The following VGLL4 variants were observed in gnomAD, a reference collection of about 807,000 sequenced individuals.
The protein encoded by VGLL4 is transcription cofactor vestigial-like protein 4.
A neutral mutation model predicts 21.0 loss-of-function variants in VGLL4; 7 were observed. The observed-to-expected ratio is 0.33, with a 90% CI of 0.19 to 0.63. The LOEUF (loss-of-function observed/expected upper bound fraction) is 0.63, where lower values mean the gene tolerates loss of function less well. Among genes scored for constraint, VGLL4 ranks in the 20% least tolerant of loss-of-function variants. VGLL4 has a pLI of 0.78. For missense variants in VGLL4, 394 were observed against 425.7 expected (o/e 0.93, Z 0.66); for synonymous variants, 222 against 173.2 (o/e 1.28, Z -2.21).
intron 2 of VGLL4, among the ~76,000 whole-genome samples, chr3:11,667,194 C>T (rs115640352): frequency 6.6e-6 from 1 of 152,220 alleles, no homozygotes; most frequent in African/African-American, 2.4e-5. Flanking sequence ...ACTCACAAAG[C>T]CCTACACTGA....
At position 11,719,037 on chromosome 3, in the gene VGLL4, T is replaced by C. The variant is rs993552467; in HGVS notation, c.-14+1357A>G. 6.6e-6 allele frequency among the ~76,000 whole-genome samples: 1 copy of C among 152,220 alleles called. No homozygotes were observed. The highest frequency in any genetic ancestry group is 2.4e-5 in the African/African-American group (1 of 41,462). On this transcript the variant is annotated intron_variant, in intron 1 of 5. Coordinates refer to the VGLL4 transcript ENST00000273038. This position sits in a 1 kb window ranked among gnomAD's most constrained non-coding sequence, Gnocchi z 4.0. ...AAGCAAAACAAAAAGCGAACAGCCC[T>C]GTGCTCTTCCGCGAGGCCTGCACTG...
At chr3:11,669,360 C>T (rs943886093) in intron 2 of VGLL4, among the ~76,000 whole-genome samples, 30 of 151,998 alleles carry the variant, frequency 2.0e-4, no homozygotes, top group Admixed American at 1.4e-3. Context: ...CCAGCCTGTG[C>T]GACAGAGTAA....
intron 3 of VGLL4, among the ~76,000 whole-genome samples, 187 bp from the exon 4 acceptor site, chr3:11,559,642 G>T (rs2125101334): frequency 6.6e-6 from 1 of 152,370 alleles, no homozygotes; most frequent in East Asian, 1.9e-4. Flanking sequence ...GCAGCTCCAA[G>T]GGTGTGTGTA....
intron 1 of VGLL4, among the ~76,000 whole-genome samples, chr3:11,603,410 T>G (rs997005459): frequency 1.3e-5 from 2 of 152,206 alleles, no homozygotes; most frequent in African/African-American, 4.8e-5. Context: ...TTCAGTATGA[T>G]CTTGGTTGGC....
Position 11,643,709 on chromosome 3 carries a change from C to G in VGLL4, c.-191G>C. 1 of 1,416,606 alleles carries G rather than the reference C, an allele frequency of 7.1e-7. No individual in the cohort carries two copies. The highest frequency in any genetic ancestry group is 9.2e-7 in the Non-Finnish European group (1 of 1,090,904). The allele number at this position is 1,416,606 out of a possible 1,614,324, so 87.8% of individuals were successfully genotyped here. On this transcript the variant is annotated 5_prime_UTR_variant, in exon 1 of 5. Transcript: ENST00000430365. ...CAGGCACAAAAAAATCGAGCTCACA[C>G]GAAACCCTTCAAGGGCTTACTGGTA...
chr3:11,703,281 G>C (rs1434795213), intron 1 of VGLL4, among the ~76,000 whole-genome samples: 2 of 152,190 alleles, frequency 1.3e-5, no homozygotes, highest in African/African-American at 4.8e-5. Flanking sequence ...AGCTGATGTA[G>C]GAACTAAAAG....
chr3:11,608,501 C>T (rs1244767123), intron 1 of VGLL4, among the ~76,000 whole-genome samples: 1 of 152,124 alleles, frequency 6.6e-6, no homozygotes, highest in Non-Finnish European at 1.5e-5. Context: ...ATGTTTATTT[C>T]AATGGCAGAG....
intron 2 of VGLL4, among the ~76,000 whole-genome samples, chr3:11,578,318 G>A (rs560778859): frequency 6.6e-6 from 1 of 152,284 alleles, no homozygotes; most frequent in South Asian, 2.1e-4. Context: ...GCAGGCATAT[G>A]AGAGACAAAT....
At chr3:11,584,205 A>C (rs918452967) in intron 2 of VGLL4, among the ~76,000 whole-genome samples, 1 of 152,242 alleles carries the variant, frequency 6.6e-6, no homozygotes, top group Admixed American at 6.5e-5. Flanking sequence ...GAGTCGTAAC[A>C]TATCAAGAGA....
At chr3:11,562,719 C>T (rs567603302) in intron 3 of VGLL4, among the ~76,000 whole-genome samples, 3 of 152,346 alleles carry the variant, frequency 2.0e-5, no homozygotes, top group South Asian at 4.1e-4. Flanking sequence ...ACAGCAGCCA[C>T]GGCAAGGAGG....
At chr3:11,627,089 C>T (rs1164787193) in intron 1 of VGLL4, among the ~76,000 whole-genome samples, 1 of 152,036 alleles carries the variant, frequency 6.6e-6, no homozygotes, top group Non-Finnish European at 1.5e-5. Flanking sequence ...AAGACACTTG[C>T]AAACTCCACT....
chr3:11,582,467 C>A, intron 2 of VGLL4: 2 of 1,208,756 alleles, frequency 1.7e-6, no homozygotes, highest in Admixed American at 2.7e-5. Context: ...GCCCCCTGCA[C>A]TGCAATAAAA....
At chr3:11,691,351 T>C (rs957262585) in intron 2 of VGLL4, among the ~76,000 whole-genome samples, 1 of 151,670 alleles carries the variant, frequency 6.6e-6, no homozygotes, top group Non-Finnish European at 1.5e-5. Flanking sequence ...TTGTCTTGAG[T>C]AGTCAGAAAA....
At chr3:11,563,528 AC>A (rs2125123377) in intron 3 of VGLL4, among the ~76,000 whole-genome samples, 1 of 152,324 alleles carries the variant, frequency 6.6e-6, no homozygotes, top group African/African-American at 2.4e-5. Flanking sequence ...TGTGGCCGTG[AC>A]AGTGTCCACA....
chr3:11,563,101 C>A (rs1480138674), intron 3 of VGLL4, among the ~76,000 whole-genome samples: 1 of 152,240 alleles, frequency 6.6e-6, no homozygotes, highest in Non-Finnish European at 1.5e-5. Context: ...GGAAATAAAT[C>A]ATCCAAGAAC....
intron 1 of VGLL4, among the ~76,000 whole-genome samples, chr3:11,621,249 T>G (rs2075260749): frequency 6.6e-6 from 1 of 152,226 alleles, no homozygotes; most frequent in Non-Finnish European, 1.5e-5. Flanking sequence ...TGTGGGGCTG[T>G]GCAACAATCA....
intron 2 of VGLL4, among the ~76,000 whole-genome samples, chr3:11,592,505 C>CTCCA (rs1182554770): frequency 6.6e-6 from 1 of 152,044 alleles, no homozygotes; most frequent in Non-Finnish European, 1.5e-5. Flanking sequence ...CTTTACTTCC[C>CTCCA]TCCATCCTCC....
Position 11,702,927 on chromosome 3 carries a change from T to C in VGLL4, c.64+44A>G, listed in dbSNP as rs867781248. On this transcript the variant is annotated intron_variant, in intron 2 of 5. Coordinates refer to the VGLL4 transcript ENST00000273038. Reference sequence around the variant, plus strand: ...TTGTTATGGAGCAGAAGACAAGGGATCATTAAAGCACTTAAGCTATTTTAT... The same window carrying C: ...TTGTTATGGAGCAGAAGACAAGGGACCATTAAAGCACTTAAGCTATTTTAT... The C allele has an allele frequency of 1.9e-6, 3 of 1,556,398 alleles. No individual in the cohort carries two copies. The Middle Eastern group carries it at 5.1e-4, about 265-fold the overall frequency.
chr3:11,635,769 G>A (rs887165545), intron 1 of VGLL4, among the ~76,000 whole-genome samples: 9 of 152,242 alleles, frequency 5.9e-5, no homozygotes, highest in South Asian at 4.1e-4. Flanking sequence ...AGCTGTGCTA[G>A]AAAACTGCAC....
Sources: gnomAD v4.1 joint callset for allele counts (sites outside exome capture counted in the v4.1 genomes callset) on GRCh38, gnomAD v4.1.1 for gene constraint, Gnocchi (gnomAD v3.1) non-coding constraint, MANE v1.5 for transcripts, NCBI Gene and HGNC (gene_info 2026-07-23, HGNC 2026-07-21) for gene names.